The following DNAH3 variants were observed in gnomAD, a reference collection of about 807,000 sequenced individuals.
DNAH3 encodes dynein axonemal heavy chain 3.
A neutral mutation model predicts 432.5 loss-of-function variants in DNAH3; 332 were observed. The ratio of observed to expected loss-of-function variants is 0.77; its 90% CI spans 0.70 to 0.84. The LOEUF (loss-of-function observed/expected upper bound fraction) is 0.84. Among genes scored for constraint, DNAH3 ranks in the 40% least tolerant of loss-of-function variants. The pLI, the probability that DNAH3 is intolerant of heterozygous loss-of-function variation, is 0.00. For missense variants in DNAH3, 4,861 were observed against 5,114.0 expected (o/e 0.95, Z 1.51); for synonymous variants, 1,956 against 1,900.2 (o/e 1.03, Z -0.76).
chr16:20,948,019 A>G (rs961917390), intron 57 of DNAH3, among the ~76,000 whole-genome samples: 1 of 151,670 alleles, frequency 6.6e-6, no homozygotes, highest in South Asian at 2.1e-4. Flanking sequence ...TAAGTGATCC[A>G]CCCGCCTCAG....
At chr16:21,096,165 G>A (rs2091673769) in intron 18 of DNAH3, among the ~76,000 whole-genome samples, 1 of 143,874 alleles carries the variant, frequency 7.0e-6, no homozygotes, top group South Asian at 2.2e-4. Flanking sequence ...ACAAGGTTTT[G>A]CTCTGATGCC....
intron 18 of DNAH3, among the ~76,000 whole-genome samples, chr16:21,095,502 G>C (rs34540449): frequency 0.021 from 3,256 of 152,248 alleles, 65 homozygotes; most frequent in Non-Finnish European, 0.031. Flanking sequence ...CAAAACTATA[G>C]GAACAATGAA....
In DNAH3 at chr16:21,074,739, A is replaced by G. The variant is rs903151589; in HGVS notation, c.3084+708T>C. On this transcript the variant is annotated intron_variant, in intron 21 of 61. Transcript: ENST00000261383. Reference sequence around the variant, plus strand: ...AAAAAAAGAAAGAAAAAAAGAACCAATGGTCTGCAGGATGTGTGTATCAAC... The same window carrying G: ...AAAAAAAGAAAGAAAAAAAGAACCAGTGGTCTGCAGGATGTGTGTATCAAC... Among the ~76,000 whole-genome samples, 6 of 151,658 alleles carry G rather than the reference A, an allele frequency of 4.0e-5. No individual in the cohort carries two copies. In the East Asian group the frequency reaches 9.7e-4, roughly 24 times the overall value.
chr16:20,979,655 GAC>G (rs2085764312), intron 49 of DNAH3, 109 bp from the exon 50 acceptor site: 1 of 942,826 alleles, frequency 1.1e-6, no homozygotes, highest in African/African-American at 1.6e-5. Context: ...CACTGACTGT[GAC>G]ACGTTAGAAT....
At chr16:21,078,472 G>A (rs2091059554) in intron 20 of DNAH3, among the ~76,000 whole-genome samples, 1 of 152,100 alleles carries the variant, frequency 6.6e-6, no homozygotes, top group Admixed American at 6.6e-5. Flanking sequence ...CCTGTGAGAG[G>A]TGACCAAAAT....
chr16:20,941,055 A>G (rs1323630555), intron 59 of DNAH3, among the ~76,000 whole-genome samples: 3 of 152,196 alleles, frequency 2.0e-5, no homozygotes, highest in African/African-American at 7.2e-5. Flanking sequence ...AGTCATGATC[A>G]CACCACTGCA....
intron 57 of DNAH3, 120 bp from the exon 58 acceptor site, chr16:20,944,783 A>ACC (rs1445092076): frequency 1.0e-5 from 8 of 802,562 alleles, no homozygotes; most frequent in Admixed American, 9.1e-5. Context: ...CAGGACACAC[A>ACC]CACACACACA....
intron 1 of DNAH3, among the ~76,000 whole-genome samples, chr16:21,151,766 A>G (rs2092855324): frequency 6.6e-6 from 1 of 152,170 alleles, no homozygotes; most frequent in Non-Finnish European, 1.5e-5. Context: ...AAGTAACAAT[A>G]TTAGCTGCCG....
At chr16:21,079,371 C>T (rs1303387441) in intron 20 of DNAH3, among the ~76,000 whole-genome samples, 1 of 152,172 alleles carries the variant, frequency 6.6e-6, no homozygotes, top group East Asian at 1.9e-4. Context: ...CGCCTGTAAT[C>T]CCAGTACTTT....
At chr16:20,955,221 AT>A (rs2084508591) in intron 54 of DNAH3, among the ~76,000 whole-genome samples, 164 bp from the exon 55 acceptor site, 1 of 152,184 alleles carries the variant, frequency 6.6e-6, no homozygotes, top group Non-Finnish European at 1.5e-5. Context: ...TTAAAAAAAA[AT>A]AACAAAAAAG....
At chr16:21,155,602 A>G (rs1278441351) in intron 1 of DNAH3, among the ~76,000 whole-genome samples, 1 of 142,152 alleles carries the variant, frequency 7.0e-6, no homozygotes, top group African/African-American at 2.6e-5. Context: ...AGCCTGGGAG[A>G]CAGAGCAAGA....
intron 27 of DNAH3, among the ~76,000 whole-genome samples, chr16:21,055,937 T>A (rs185270724): frequency 1.4e-3 from 211 of 152,134 alleles, no homozygotes; most frequent in Non-Finnish European, 9.9e-4. Flanking sequence ...GGGGTCTCAC[T>A]GTGTTGCCCA....
chr16:21,141,356 T>A (rs2092716617), exon 4 of DNAH3: 2 of 1,589,798 alleles, frequency 1.3e-6, no homozygotes, highest in African/African-American at 2.7e-5. Context: ...TCATGGGCTC[T>A]GATGAGCTTC....
chr16:20,990,608 A>G (rs1208821105), intron 44 of DNAH3, among the ~76,000 whole-genome samples: 1 of 148,050 alleles, frequency 6.8e-6, no homozygotes, highest in Non-Finnish European at 1.5e-5. Flanking sequence ...TTGCCTGTAT[A>G]TCTTTAAAAC....
At chr16:21,118,071 T>C (rs534279730) in intron 11 of DNAH3, among the ~76,000 whole-genome samples, 2 of 151,548 alleles carry the variant, frequency 1.3e-5, no homozygotes, top group East Asian at 4.0e-4. Context: ...CATTGCTACC[T>C]CTGCCTCCTG....
At chr16:20,990,571 A>G (rs112335993) in intron 44 of DNAH3, among the ~76,000 whole-genome samples, 1 of 152,220 alleles carries the variant, frequency 6.6e-6, no homozygotes, top group African/African-American at 2.4e-5. Context: ...CTCAGCAACT[A>G]ATAATCTACT....
At chr16:20,956,528 G>A (rs962330717) in intron 54 of DNAH3, among the ~76,000 whole-genome samples, 22 of 152,128 alleles carry the variant, frequency 1.4e-4, no homozygotes, top group Non-Finnish European at 1.2e-4. Context: ...ATAGGCACTT[G>A]AGAACTTGAG....
At chr16:21,096,134 A>T (rs927054786) in intron 18 of DNAH3, among the ~76,000 whole-genome samples, 10 of 140,044 alleles carry the variant, frequency 7.1e-5, no homozygotes, top group African/African-American at 2.4e-4. Flanking sequence ...AGGGTCTCTG[A>T]TTTTTTTTTT....
intron 61 of DNAH3, 97 bp downstream of exon 61, chr16:20,935,251 G>A: frequency 4.1e-6 from 6 of 1,451,554 alleles, no homozygotes; most frequent in Non-Finnish European, 5.7e-6. Flanking sequence ...AAGCATTTGG[G>A]TCTTAACACA....
Sources: allele counts gnomAD v4.1 joint callset (sites outside exome capture counted in the v4.1 genomes callset), GRCh38; gene constraint gnomAD v4.1.1; transcripts MANE v1.5; gene names NCBI Gene and HGNC (gene_info 2026-07-23, HGNC 2026-07-21).